The following LRP1B variants were observed in gnomAD, a reference collection of about 807,000 sequenced individuals.
LRP1B encodes low-density lipoprotein receptor-related protein 1B.
In LRP1B, 217 loss-of-function variants were observed where a neutral mutation model predicts 556.6. That is an observed-to-expected ratio of 0.39 (90% CI 0.35 to 0.44). The LOEUF is 0.44. Ranked by LOEUF, LRP1B falls within the 20% of genes least tolerant of loss-of-function variation. The pLI, the probability that LRP1B is intolerant of heterozygous loss-of-function variation, is 1.00. For synonymous variants in LRP1B, 2,047 were observed against 1,865.8 expected (o/e 1.10, Z -2.50); for missense variants, 5,053 against 5,620.8 (o/e 0.90, Z 3.23).
At chr2:140,976,269 T>C (rs1267740206) in intron 18 of LRP1B, among the ~76,000 whole-genome samples, 6 of 151,834 alleles carry the variant, frequency 4.0e-5, no homozygotes, top group Admixed American at 3.9e-4. Context: ...GTCCTGTCCT[T>C]TCCTCTCCTC....
intron 3 of LRP1B, among the ~76,000 whole-genome samples, chr2:141,365,469 C>A (rs1222526688): frequency 4.4e-5 from 6 of 135,750 alleles, no homozygotes; most frequent in Non-Finnish European, 9.4e-5. Flanking sequence ...ATTCTAAAGG[C>A]TAGCTTAGAA....
chr2:141,142,833 C>T (rs1381826182), intron 7 of LRP1B, among the ~76,000 whole-genome samples: 1 of 150,920 alleles, frequency 6.6e-6, no homozygotes, highest in Non-Finnish European at 1.5e-5. Flanking sequence ...AAGAACAGAA[C>T]TAATCAATAC....
intron 3 of LRP1B, among the ~76,000 whole-genome samples, chr2:141,466,773 G>A (rs748948557): frequency 1.3e-5 from 2 of 151,966 alleles, no homozygotes; most frequent in Non-Finnish European, 2.9e-5. Context: ...AGTCACATAC[G>A]GAATTGCCTT....
chr2:142,126,653 T>C (rs1707665601), intron 1 of LRP1B, among the ~76,000 whole-genome samples: 1 of 151,846 alleles, frequency 6.6e-6, no homozygotes, highest in African/African-American at 2.4e-5. Context: ...AATCTATCAG[T>C]ATGTTTGATT....
intron 7 of LRP1B, among the ~76,000 whole-genome samples, chr2:141,142,225 T>C (rs928618504): frequency 8.5e-5 from 13 of 152,216 alleles, no homozygotes; most frequent in African/African-American, 3.1e-4. Context: ...TACAGGCCTC[T>C]GAATGTTGAG....
At chr2:141,478,501 C>CT (rs1682794681) in intron 3 of LRP1B, among the ~76,000 whole-genome samples, 1 of 148,908 alleles carries the variant, frequency 6.7e-6, no homozygotes, top group Non-Finnish European at 1.5e-5. Context: ...TCCTTCTTTC[C>CT]TTCTTTCCCT....
intron 89 of LRP1B, among the ~76,000 whole-genome samples, chr2:140,235,338 A>G (rs1333437430): frequency 6.7e-6 from 1 of 148,164 alleles, no homozygotes; most frequent in African/African-American, 2.5e-5. Context: ...TGAGAATAAC[A>G]GAAATGAGTG....
At chr2:141,485,884 C>T (rs1215319773) in intron 2 of LRP1B, among the ~76,000 whole-genome samples, 1 of 151,976 alleles carries the variant, frequency 6.6e-6, no homozygotes, top group East Asian at 1.9e-4. Context: ...AAATGAGGCA[C>T]AAAAAGGAAC....
At chr2:140,558,162 G>C (rs1680801975) in intron 43 of LRP1B, among the ~76,000 whole-genome samples, 3 of 152,154 alleles carry the variant, frequency 2.0e-5, no homozygotes, top group Non-Finnish European at 4.4e-5. Context: ...TACAGTGCTG[G>C]AGGGAATGGA....
chr2:141,001,564 G>A (rs773063207), intron 15 of LRP1B, among the ~76,000 whole-genome samples: 1 of 152,060 alleles, frequency 6.6e-6, no homozygotes, highest in African/African-American at 2.4e-5. Flanking sequence ...GTGAGAACAC[G>A]TGGTGCTTGG....
At chr2:141,144,617 C>A (rs1701736803) in intron 7 of LRP1B, among the ~76,000 whole-genome samples, 3 of 152,050 alleles carry the variant, frequency 2.0e-5, no homozygotes, top group Admixed American at 2.0e-4. Flanking sequence ...ACTTCATGAC[C>A]CTTCATACGC....
Position 140,675,540 on chromosome 2 carries a change from G to C in LRP1B, c.6799+24710C>G, listed in dbSNP as rs1574227080. 2.0e-5 allele frequency among the ~76,000 whole-genome samples: 3 copies of C among 152,096 alleles called. No homozygotes were observed. The East Asian group carries it at 5.8e-4, about 29-fold the overall frequency. On this transcript the variant is annotated intron_variant, in intron 41 of 90. Transcript: ENST00000389484. The stretch of plus-strand genomic sequence containing the variant: ...TTAATGTGCTGAAAGTTACCAAATA[G>C]TCTTTAATTAACACTTATTTTAATA...
At chr2:140,818,395 A>G (rs1002002777) in intron 31 of LRP1B, among the ~76,000 whole-genome samples, 1 of 152,236 alleles carries the variant, frequency 6.6e-6, no homozygotes, top group Non-Finnish European at 1.5e-5. Flanking sequence ...AGAAATACCA[A>G]TAAGTTACAT....
Position 141,566,090 on chromosome 2 carries a change from C to A in LRP1B, c.206-85557G>T, listed in dbSNP as rs545231245. ...CACCTTCCACTAATAATATGCCTGGCAGAAAATGTTATTAAAATACTTTAA... is the reference window on the plus strand; with the variant it reads ...CACCTTCCACTAATAATATGCCTGGAAGAAAATGTTATTAAAATACTTTAA... On this transcript the variant is annotated intron_variant, in intron 2 of 90. Coordinates refer to ENST00000389484, the MANE Select transcript of LRP1B (RefSeq NM_018557.3). Among the ~76,000 whole-genome samples, 14 of 151,086 alleles carry A rather than the reference C, an allele frequency of 9.3e-5. No individual in the cohort carries two copies. The South Asian group carries it at 1.3e-3, about 14-fold the overall frequency.
At chr2:140,868,855 G>T (rs1315843088) in intron 25 of LRP1B, among the ~76,000 whole-genome samples, 2 of 152,034 alleles carry the variant, frequency 1.3e-5, no homozygotes, top group African/African-American at 4.8e-5. Context: ...TATTCTCTAT[G>T]TATAGTAAAT....
chr2:141,264,276 G>A (rs1156966958), intron 3 of LRP1B, among the ~76,000 whole-genome samples: 1 of 152,090 alleles, frequency 6.6e-6, no homozygotes, highest in Admixed American at 6.5e-5. Flanking sequence ...AAACGTGACT[G>A]ACAACATTGT....
At position 141,404,887 on chromosome 2, in the gene LRP1B, GT is replaced by G. The variant is rs199497759; in HGVS notation, c.343+75508del. ...AAGCCTTGATTAAAATAGAGAATAT[GT>G]TTTTTTTTTTTACCATAGATATTTT... On this transcript the variant is annotated intron_variant, in intron 3 of 90. Transcript: ENST00000389484. Among the ~76,000 whole-genome samples the G allele has an allele frequency of 9.9e-4, 143 of 144,464 alleles. 1 individual carries two copies. Among genetic ancestry groups the G allele is most frequent in the Middle Eastern group, 3.6e-3 (1 of 280 alleles). The allele number at this position is 144,464 out of a possible 152,430, so 94.8% of individuals were successfully genotyped here.
intron 6 of LRP1B, among the ~76,000 whole-genome samples, chr2:141,216,679 C>T (rs1682829101): frequency 6.6e-6 from 1 of 152,198 alleles, no homozygotes; most frequent in African/African-American, 2.4e-5. Flanking sequence ...GAGCTTACTC[C>T]TTGTACCAGT....
At chr2:141,204,941 A>T (rs911701029) in intron 6 of LRP1B, among the ~76,000 whole-genome samples, 7 of 147,960 alleles carry the variant, frequency 4.7e-5, no homozygotes, top group Admixed American at 6.7e-5. Flanking sequence ...TGTCTCAGAT[A>T]AAAAAAAAGG....
Sources: allele counts gnomAD v4.1 joint callset (sites outside exome capture counted in the v4.1 genomes callset), GRCh38; gene constraint gnomAD v4.1.1; transcripts MANE v1.5; gene names NCBI Gene and HGNC (gene_info 2026-07-23, HGNC 2026-07-21).